Variants in CAST observed in about 807,000 individuals in gnomAD.
The protein encoded by CAST is calpastatin.
In CAST, 76 loss-of-function variants were observed where a neutral mutation model predicts 119.6. The observed-to-expected ratio is 0.64, with a 90% confidence interval of 0.53 to 0.77. The LOEUF (loss-of-function observed/expected upper bound fraction) is 0.77, where lower values mean the gene tolerates loss of function less well. Among genes scored for constraint, CAST ranks in the 30% least tolerant of loss-of-function variants. CAST has a pLI of 0.00. For synonymous variants in CAST, 319 were observed against 331.6 expected, an observed-to-expected ratio of 0.96 and a Z score of 0.41; for missense variants, 953 against 946.5, an observed-to-expected ratio of 1.01 and a Z score of -0.09.
the CAST span, among the ~76,000 whole-genome samples, chr5:96,274,162 C>T: frequency 6.6e-6 from 1 of 150,646 alleles, no homozygotes; most frequent in Non-Finnish European, 1.5e-5. Flanking sequence ...AGTGCAGTGG[C>T]GTGATCTTGG....
At chr5:96,574,549 A>G (rs951167544) in intron 1 of CAST, among the ~76,000 whole-genome samples, 1 of 152,162 alleles carries the variant, frequency 6.6e-6, no homozygotes, top group African/African-American at 2.4e-5. Context: ...GATGAAGTTC[A>G]ATGCATCAAT....
At chr5:96,218,162 A>C in the CAST span, among the ~76,000 whole-genome samples, 1 of 152,336 alleles carries the variant, frequency 6.6e-6, no homozygotes, top group African/African-American at 2.4e-5. Flanking sequence ...TTAGGATGCT[A>C]TGTGACTCAC....
At chr5:96,543,829 T>G (rs1341788997) in intron 1 of CAST, among the ~76,000 whole-genome samples, 1 of 152,248 alleles carries the variant, frequency 6.6e-6, no homozygotes, top group Non-Finnish European at 1.5e-5. Flanking sequence ...CTTTCTCTAT[T>G]AAATTACCTT....
chr5:96,053,033 T>C, the CAST span, among the ~76,000 whole-genome samples: 1 of 152,188 alleles, frequency 6.6e-6, no homozygotes, highest in African/African-American at 2.4e-5. Context: ...GTGATTCAGC[T>C]AGCATTCTGA....
chr5:96,062,974 T>C, the CAST span, among the ~76,000 whole-genome samples: 1 of 151,990 alleles, frequency 6.6e-6, no homozygotes, highest in African/African-American at 2.4e-5. Context: ...TGAGTATCAG[T>C]TGTGGTCTTG....
chr5:96,554,519 C>A (rs1746195644), intron 1 of CAST, among the ~76,000 whole-genome samples: 1 of 152,114 alleles, frequency 6.6e-6, no homozygotes, highest in Non-Finnish European at 1.5e-5. Flanking sequence ...TCTAAAACAC[C>A]AAAAGCAATG....
At chr5:96,219,742 A>T in the CAST span, among the ~76,000 whole-genome samples, 23 of 151,702 alleles carry the variant, frequency 1.5e-4, no homozygotes, top group Admixed American at 2.0e-4. Flanking sequence ...AAAGGGAAGG[A>T]AGGAAGGCAG....
intron 1 of CAST, among the ~76,000 whole-genome samples, chr5:96,588,773 T>G (rs1027351814): frequency 2.0e-5 from 3 of 152,162 alleles, no homozygotes; most frequent in Non-Finnish European, 4.4e-5. Context: ...CCATAGTCAT[T>G]CACTTTGTCC....
chr5:96,385,689 G>A, the CAST span, among the ~76,000 whole-genome samples: 6 of 152,148 alleles, frequency 3.9e-5, no homozygotes, highest in Non-Finnish European at 5.9e-5. Flanking sequence ...GATTCCTATG[G>A]TTCAGGAAGG....
the CAST span, among the ~76,000 whole-genome samples, chr5:96,503,659 G>T: frequency 2.0e-5 from 3 of 152,070 alleles, no homozygotes; most frequent in Non-Finnish European, 4.4e-5. Flanking sequence ...GAAACCATCC[G>T]CTTAATGTCG....
the CAST span, among the ~76,000 whole-genome samples, chr5:96,433,724 G>C: frequency 6.6e-6 from 1 of 152,260 alleles, no homozygotes; most frequent in Non-Finnish European, 1.5e-5. Context: ...AAGAAGGGAA[G>C]CTACTACTGT....
the CAST span, among the ~76,000 whole-genome samples, chr5:96,429,018 C>G: frequency 6.6e-6 from 1 of 151,868 alleles, no homozygotes; most frequent in African/African-American, 2.4e-5. Flanking sequence ...TTTGGCTCAA[C>G]CAATTCAACC....
the CAST span, among the ~76,000 whole-genome samples, chr5:96,451,362 A>G: frequency 6.6e-6 from 1 of 152,062 alleles, no homozygotes; most frequent in Admixed American, 6.6e-5. Flanking sequence ...AAATCCTGTC[A>G]CACAAACCTG....
At chr5:96,262,776 C>A in the CAST span, among the ~76,000 whole-genome samples, 1,113 of 152,214 alleles carry the variant, frequency 7.3e-3, 12 homozygotes, top group African/African-American at 0.025. Flanking sequence ...ACCTCGTGAT[C>A]CGCCTGCCTC....
At chr5:96,682,500 C>G (rs59380160) in intron 2 of CAST, among the ~76,000 whole-genome samples, 3,615 of 152,132 alleles carry the variant, frequency 0.024, 150 homozygotes, top group African/African-American at 0.082. Flanking sequence ...AGGATGTACA[C>G]TTTTGTCTGA....
chr5:96,618,307 T>C (rs1294982300), intron 1 of CAST, among the ~76,000 whole-genome samples: 1 of 152,230 alleles, frequency 6.6e-6, no homozygotes, highest in Admixed American at 6.5e-5. Context: ...TGAAAAGCCA[T>C]CCTGGTTTGC....
chr5:96,505,261 A>G, the CAST span, among the ~76,000 whole-genome samples: 2 of 152,244 alleles, frequency 1.3e-5, no homozygotes, highest in African/African-American at 4.8e-5. Context: ...CAAAGAATAA[A>G]TAAAAATTTT....
At chr5:96,094,815 C>T in the CAST span, among the ~76,000 whole-genome samples, 4,389 of 152,290 alleles carry the variant, frequency 0.029, 92 homozygotes, top group Middle Eastern at 0.088. Flanking sequence ...TGGTTCTCTA[C>T]GGTTTGGACT....
the CAST span, among the ~76,000 whole-genome samples, chr5:96,166,555 G>T: frequency 3.2e-3 from 480 of 152,154 alleles, 1 homozygote; most frequent in Non-Finnish European, 3.8e-3. Context: ...GCTCCAGGTA[G>T]CTTTTCTTAT....
Sources: gnomAD v4.1 joint callset for allele counts (sites outside exome capture counted in the v4.1 genomes callset) on GRCh38, gnomAD v4.1.1 for gene constraint, MANE v1.5 for transcripts, NCBI Gene and HGNC (gene_info 2026-07-23, HGNC 2026-07-21) for gene names.